FBXL13: variants seen among roughly 807,000 people sequenced by gnomAD.
FBXL13 encodes the protein F-box and leucine-rich repeat protein 13.
FBXL13 carries 67 observed loss-of-function variants against 83.6 expected under a neutral mutation model. The ratio of observed to expected loss-of-function variants is 0.80; its 90% CI spans 0.66 to 0.98. FBXL13 has a LOEUF of 0.98. Ranked by LOEUF, FBXL13 falls within the 50% of genes least tolerant of loss-of-function variation. FBXL13 has a pLI of 0.00. For synonymous variants in FBXL13, 272 were observed against 299.5 expected (o/e 0.91, Z 0.95); for missense variants, 822 against 866.5 (o/e 0.95, Z 0.64).
In FBXL13 at chr7:102,912,918, A is replaced by G. The variant is rs144817056; in HGVS notation, c.1008+168T>C. On this transcript the variant is annotated intron_variant, in intron 11 of 19. Coordinates refer to ENST00000313221, the Ensembl canonical transcript of FBXL13. The stretch of plus-strand genomic sequence containing the variant: ...AGTGGAAGGAAGCCAAGAGCCTATA[A>G]TAGCGATCCTGGGGAAAATTTCAGC... The G allele has an allele frequency of 9.7e-4, 799 of 824,554 alleles. 5 individuals are homozygous for G. The African/African-American group carries it at 0.013, about 14-fold the overall frequency. 51.1% of individuals were successfully genotyped at this position (824,554 alleles called of 1,614,324 possible).
intron 6 of FBXL13, among the ~76,000 whole-genome samples, chr7:102,997,215 A>AT (rs1157170309): frequency 1.3e-5 from 2 of 152,190 alleles, no homozygotes; most frequent in Non-Finnish European, 2.9e-5. Context: ...CGCGGAAAAC[A>AT]TTCATGCTTT....
rs376465357 is a variant in FBXL13, at chr7:102,881,574, GT to G, written c.1388+1730del. On this transcript the variant is annotated intron_variant, in intron 14 of 19. Transcript: ENST00000313221. ...ACTTGTGTATGTAGTGTGTGTGTGT[GT>G]GGGGGGGGTGGGTGTCTCACTGTTA... 4.5e-3 allele frequency among the ~76,000 whole-genome samples: 593 copies of G among 133,172 alleles called. 12 individuals are homozygous for G. The highest frequency in any genetic ancestry group is 0.014 in the East Asian group (72 of 5,006). The allele number at this position is 133,172 out of a possible 152,430, so 87.4% of individuals were successfully genotyped here.
At chr7:102,883,517 CAAGAGT>C (rs1563040320) in intron 13 of FBXL13, 45 bp downstream of exon 14, 2 of 1,590,098 alleles carry the variant, frequency 1.3e-6, no homozygotes, top group Non-Finnish European at 8.6e-7. Flanking sequence ...TAGAATGCCA[CAAGAGT>C]AAAAGTAAAC....
intron 6 of FBXL13, among the ~76,000 whole-genome samples, chr7:102,997,330 C>A (rs541206883): frequency 1.3e-5 from 2 of 152,116 alleles, no homozygotes; most frequent in African/African-American, 2.4e-5. Context: ...TGAGGGTACA[C>A]GTGATATTTT....
chr7:102,827,308 G>A (rs1799902915), intron 18 of FBXL13: 1 of 299,546 alleles, frequency 3.3e-6, no homozygotes. Flanking sequence ...GCAAAGAGAT[G>A]ACTGCAGCTC....
At chr7:102,845,959 C>G (rs562401928) in intron 17 of FBXL13, among the ~76,000 whole-genome samples, 203 of 152,282 alleles carry the variant, frequency 1.3e-3, no homozygotes, top group African/African-American at 3.1e-3. Flanking sequence ...TATACACTAG[C>G]TCATGTACTT....
chr7:103,007,290 T>A (rs368133777), intron 6 of FBXL13, among the ~76,000 whole-genome samples: 1 of 151,542 alleles, frequency 6.6e-6, no homozygotes, highest in Non-Finnish European at 1.5e-5. Flanking sequence ...TAAAGGCACA[T>A]CATAATCAAA....
In FBXL13 at chr7:102,975,700, G is replaced by A. The variant is rs186538396; in HGVS notation, c.496-7583C>T. Among the ~76,000 whole-genome samples the A allele has an allele frequency of 7.9e-5, 12 of 152,264 alleles. No individual in the cohort carries two copies. The East Asian group carries it at 1.5e-3, about 20-fold the overall frequency. ...AGACCTAGCCAGTCCAGAAGGAACCGATATTTTAAACCTTCAGTTCATCTC... is the reference window on the plus strand; with the variant it reads ...AGACCTAGCCAGTCCAGAAGGAACCAATATTTTAAACCTTCAGTTCATCTC... On this transcript the variant is annotated intron_variant, in intron 6 of 19. Transcript: ENST00000313221.
At chr7:102,904,880 C>G (rs1389291365) in intron 11 of FBXL13, among the ~76,000 whole-genome samples, 2 of 152,154 alleles carry the variant, frequency 1.3e-5, no homozygotes, top group African/African-American at 4.8e-5. Context: ...ACTGGTCATT[C>G]AGGAGCATAT....
intron 1 of FBXL13, among the ~76,000 whole-genome samples, chr7:103,067,662 C>T (rs541971081): frequency 6.6e-6 from 1 of 152,332 alleles, no homozygotes; most frequent in African/African-American, 2.4e-5. Context: ...CCAGCATCAA[C>T]TGCCAGGCAT....
intron 8 of FBXL13, among the ~76,000 whole-genome samples, chr7:102,958,219 A>T (rs978051875): frequency 6.6e-5 from 10 of 152,154 alleles, no homozygotes; most frequent in African/African-American, 2.4e-4. Context: ...AAAAAGGATG[A>T]GTGCATGTCC....
Position 102,931,940 on chromosome 7 carries a change from C to A in FBXL13, c.725-7G>T. 6.2e-7 allele frequency: 1 copy of A among 1,613,100 alleles called. No individual in the cohort carries two copies. The highest frequency in any genetic ancestry group is 8.5e-7 in the Non-Finnish European group (1 of 1,179,522). On this transcript the variant is annotated splice_region_variant and splice_polypyrimidine_tract_variant and intron_variant, in intron 8 of 19. Transcript: ENST00000313221. ...TGCAAGTTCCTACAGTGGCCTAAAT[C>A]AAATAAGTTACACGTCACTAAACTA...
intron 8 of FBXL13, among the ~76,000 whole-genome samples, chr7:102,946,506 G>A (rs763240263): frequency 6.6e-6 from 1 of 152,272 alleles, no homozygotes; most frequent in African/African-American, 2.4e-5. Flanking sequence ...GGGAGCACTC[G>A]TGAGGGCAGT....
At chr7:103,016,295 T>C (rs1296300115) in intron 6 of FBXL13, among the ~76,000 whole-genome samples, 2 of 139,078 alleles carry the variant, frequency 1.4e-5, no homozygotes, top group Admixed American at 7.1e-5. Flanking sequence ...AACAACATGG[T>C]TCCGTTACAA....
chr7:102,832,761 C>T (rs1800943351), intron 18 of FBXL13, 79 bp downstream of exon 19: 2 of 1,555,908 alleles, frequency 1.3e-6, no homozygotes, highest in South Asian at 2.4e-5. Flanking sequence ...TATTCTGAGT[C>T]CAGCCCTGAT....
chr7:102,901,352 A>C (rs975553588), intron 11 of FBXL13, among the ~76,000 whole-genome samples: 1 of 152,254 alleles, frequency 6.6e-6, no homozygotes, highest in African/African-American at 2.4e-5. Flanking sequence ...ATGTGAAATA[A>C]GCACACTATG....
chr7:102,905,546 C>G (rs1813623210), intron 11 of FBXL13, among the ~76,000 whole-genome samples: 1 of 152,034 alleles, frequency 6.6e-6, no homozygotes, highest in African/African-American at 2.4e-5. Flanking sequence ...ATCAATGTAT[C>G]TTGTTTTTTC....
At chr7:103,059,692 T>C (rs1247737428) in intron 1 of FBXL13, among the ~76,000 whole-genome samples, 1 of 152,134 alleles carries the variant, frequency 6.6e-6, no homozygotes, top group African/African-American at 2.4e-5. Context: ...CTACACTCAG[T>C]TCCCAATATT....
chr7:102,903,939 C>CTTTTTT (rs1166655004), intron 11 of FBXL13, among the ~76,000 whole-genome samples: 111 of 43,440 alleles, frequency 2.6e-3, no homozygotes, highest in East Asian at 3.9e-3. Context: ...CTTTTCTTTT[C>CTTTTTT]TTTTTTTTTT....
Sources: gnomAD v4.1 joint callset for allele counts (sites outside exome capture counted in the v4.1 genomes callset) on GRCh38, gnomAD v4.1.1 for gene constraint, MANE v1.5 for transcripts, NCBI Gene and HGNC (gene_info 2026-07-23, HGNC 2026-07-21) for gene names.